The following HIVEP2 variants were observed in gnomAD, a reference collection of about 807,000 sequenced individuals.
The protein encoded by HIVEP2 is HIVEP zinc finger 2, also known as transcription factor HIVEP2.
HIVEP2 carries 14 observed loss-of-function variants against 180.7 expected under a neutral mutation model. The observed-to-expected ratio is 0.08, with a 90% CI of 0.05 to 0.12. The LOEUF (loss-of-function observed/expected upper bound fraction) is 0.12. HIVEP2 is among the 10% of genes least tolerant of loss of function. HIVEP2 has a pLI of 1.00. For missense variants in HIVEP2, 2,579 were observed against 3,008.5 expected (o/e 0.86, Z 3.34); for synonymous variants, 1,184 against 1,136.4 (o/e 1.04, Z -0.84).
intron 1 of HIVEP2, among the ~76,000 whole-genome samples, chr6:142,938,085 A>G (rs1310126528): frequency 6.6e-6 from 1 of 152,248 alleles, no homozygotes; most frequent in Non-Finnish European, 1.5e-5. Flanking sequence ...ATGAGCTGGA[A>G]GAAGCTTTAG....
chr6:142,757,457 G>A (rs887185875), intron 9 of HIVEP2, among the ~76,000 whole-genome samples: 7 of 152,060 alleles, frequency 4.6e-5, no homozygotes, highest in South Asian at 2.1e-4. Flanking sequence ...TCAAGAAATC[G>A]AGACCATCCT....
chr6:142,765,849 C>T (rs906577233), intron 6 of HIVEP2, among the ~76,000 whole-genome samples: 10 of 152,098 alleles, frequency 6.6e-5, no homozygotes, highest in African/African-American at 2.4e-4. Flanking sequence ...CATAATTTGT[C>T]ATAAGATATA....
intron 1 of HIVEP2, among the ~76,000 whole-genome samples, chr6:142,848,851 G>A (rs1476691310): frequency 2.6e-5 from 4 of 152,144 alleles, no homozygotes; most frequent in Non-Finnish European, 5.9e-5. Flanking sequence ...TTTAAATCAA[G>A]TGAAAGCACC....
At chr6:142,833,329 A>G (rs568677641) in intron 2 of HIVEP2, among the ~76,000 whole-genome samples, 3 of 152,360 alleles carry the variant, frequency 2.0e-5, no homozygotes, top group African/African-American at 4.8e-5. Context: ...AATTCATGCC[A>G]TCATAGAAAC....
intron 1 of HIVEP2, among the ~76,000 whole-genome samples, chr6:142,855,255 T>A (rs1775789323): frequency 6.6e-6 from 1 of 152,226 alleles, no homozygotes; most frequent in Non-Finnish European, 1.5e-5. Context: ...ACCCCAAGCT[T>A]GATAGGCGAA....
Position 142,774,266 on chromosome 6 carries a change from AGAC to A in HIVEP2, c.470_472del (p.Ser157_Leu158delinsMet). On this transcript the variant is annotated inframe_deletion, in exon 5 of 10. Transcript: ENST00000367603. The surrounding 1 kb of genome is among the most constrained non-coding windows in gnomAD (Gnocchi z 5.1). ...GGAGTATTGGCTATAAGCAGGGTTC[AGAC>A]TTGAAATCTTTTTTCTAGGATAACC... The A allele has an allele frequency of 6.2e-7, 1 of 1,614,172 alleles. No individual in the cohort carries two copies. Among genetic ancestry groups the A allele is most frequent in the East Asian group, 2.2e-5 (1 of 44,870 alleles).
At chr6:142,769,496 T>C (rs75657229) in intron 5 of HIVEP2, 56 bp downstream of exon 5, 240,689 of 1,448,116 alleles carry the variant, frequency 0.17, 21,606 homozygotes, top group Middle Eastern at 0.24. Context: ...CACTATGTAG[T>C]CTGCTCAGCA....
intron 1 of HIVEP2, among the ~76,000 whole-genome samples, chr6:142,838,921 C>A (rs1775292483): frequency 6.6e-6 from 1 of 152,130 alleles, no homozygotes; most frequent in South Asian, 2.1e-4. Flanking sequence ...ACCTGTATTG[C>A]AGCAACTATG....
intron 9 of HIVEP2, among the ~76,000 whole-genome samples, chr6:142,759,446 C>G (rs1404497910): frequency 6.6e-6 from 1 of 152,166 alleles, no homozygotes; most frequent in Non-Finnish European, 1.5e-5. Flanking sequence ...GCAGTCATGG[C>G]ATTCTAAAGG....
chr6:142,782,518 G>A (rs983901182), intron 3 of HIVEP2, among the ~76,000 whole-genome samples: 2 of 152,158 alleles, frequency 1.3e-5, no homozygotes, highest in African/African-American at 4.8e-5. Context: ...TTTTAAAAAG[G>A]TGGCTTCCTG....
At chr6:142,876,881 C>G (rs1297222620) in intron 1 of HIVEP2, among the ~76,000 whole-genome samples, 1 of 134,180 alleles carries the variant, frequency 7.5e-6, no homozygotes, top group Admixed American at 7.7e-5. Flanking sequence ...CACACACACA[C>G]AAACACAAAA....
At chr6:142,927,886 GAAATAA>G (rs1311979614) in intron 1 of HIVEP2, among the ~76,000 whole-genome samples, 1 of 152,162 alleles carries the variant, frequency 6.6e-6, no homozygotes, top group Non-Finnish European at 1.5e-5. Context: ...TGATCATTTT[GAAATAA>G]AAAATTGAAA....
At chr6:142,846,196 T>C (rs1775512635) in intron 1 of HIVEP2, among the ~76,000 whole-genome samples, 1 of 152,104 alleles carries the variant, frequency 6.6e-6, no homozygotes, top group African/African-American at 2.4e-5. Context: ...TGGTAGAGTC[T>C]GTAAATTCCA....
At chr6:142,815,023 G>A (rs1234655831) in intron 2 of HIVEP2, among the ~76,000 whole-genome samples, 1 of 152,154 alleles carries the variant, frequency 6.6e-6, no homozygotes, top group Non-Finnish European at 1.5e-5. Flanking sequence ...CATGGTGGAA[G>A]GGCAAAGACA....
At chr6:142,781,820 C>A (rs967348887) in intron 3 of HIVEP2, among the ~76,000 whole-genome samples, 1 of 152,148 alleles carries the variant, frequency 6.6e-6, no homozygotes, top group African/African-American at 2.4e-5. Flanking sequence ...CCTAGATGGA[C>A]CTCCTCAGAG....
chr6:142,809,277 C>T (rs1229223795), intron 2 of HIVEP2, among the ~76,000 whole-genome samples: 1 of 152,132 alleles, frequency 6.6e-6, no homozygotes, highest in East Asian at 1.9e-4. Context: ...CTCCTTCAGG[C>T]CTCAATTCTG....
intron 1 of HIVEP2, among the ~76,000 whole-genome samples, chr6:142,922,901 G>A (rs929332717): frequency 6.6e-6 from 1 of 152,060 alleles, no homozygotes; most frequent in African/African-American, 2.4e-5. Flanking sequence ...ATATGAACAT[G>A]TATTCATGTA....
intron 1 of HIVEP2, among the ~76,000 whole-genome samples, chr6:142,895,256 C>T (rs1238293973): frequency 1.3e-5 from 2 of 152,008 alleles, no homozygotes; most frequent in South Asian, 2.1e-4. Flanking sequence ...ATCTAGCATC[C>T]ACTGAAATTT....
chr6:142,859,870 A>C (rs536860248), intron 1 of HIVEP2, among the ~76,000 whole-genome samples: 1 of 151,374 alleles, frequency 6.6e-6, no homozygotes, highest in East Asian at 1.9e-4. Context: ...GAAAGAAAGA[A>C]AAAGAAAAAA....
Sources: gnomAD v4.1 joint callset for allele counts (sites outside exome capture counted in the v4.1 genomes callset) on GRCh38, gnomAD v4.1.1 for gene constraint, Gnocchi (gnomAD v3.1) non-coding constraint, MANE v1.5 for transcripts, NCBI Gene and HGNC (gene_info 2026-07-23, HGNC 2026-07-21) for gene names.